Variants in ACSL4 observed in about 807,000 individuals in gnomAD.
ACSL4 encodes the protein acyl-CoA synthetase long chain family member 4, also known as long-chain-fatty-acid--CoA ligase 4.
Under a neutral mutation model 49.1 loss-of-function variants are expected in ACSL4, and 9 were observed. That is an observed-to-expected ratio of 0.18 (90% CI 0.11 to 0.32). ACSL4 has a LOEUF of 0.32. Ranked by LOEUF, ACSL4 falls within the 10% of genes least tolerant of loss-of-function variation. The pLI is 1.00. For synonymous variants in ACSL4, 191 were observed against 170.3 expected, an observed-to-expected ratio of 1.12 and a Z score of -0.95; for missense variants, 333 against 493.7, an observed-to-expected ratio of 0.67 and a Z score of 3.08.
Position 109,684,163 on chromosome X carries a change from GA to G in ACSL4, c.-12-789del, listed in dbSNP as rs748478932. ...GATTTATTTCTCAAAGGTCAACCCAGAAACCTTATTCTGAGTTCTTCATTAA... is the reference window on the plus strand; with the variant it reads ...GATTTATTTCTCAAAGGTCAACCCAGAACCTTATTCTGAGTTCTTCATTAA... On this transcript the variant is annotated intron_variant, in intron 2 of 15. Transcript: ENST00000672401. 5.5e-3 allele frequency among the ~76,000 whole-genome samples: 619 copies of G among 112,224 alleles called. 3 individuals are homozygous for G. Among genetic ancestry groups the G allele is most frequent in the African/African-American group, 0.018 (544 of 30,920 alleles).
At chrX:109,721,484 C>G (rs1927546152) in intron 1 of ACSL4, among the ~76,000 whole-genome samples, 1 of 112,167 alleles carries the variant, frequency 8.9e-6, no homozygotes, top group African/African-American at 3.2e-5. Context: ...ATAATCCCAG[C>G]ACTCTGGGAG....
intron 15 of ACSL4, among the ~76,000 whole-genome samples, chrX:109,646,118 C>T (rs1316283098): frequency 1.8e-5 from 2 of 109,611 alleles, no homozygotes; most frequent in African/African-American, 6.7e-5. Flanking sequence ...TCCAGGAGAA[C>T]TTCCCCAATC....
intron 6 of ACSL4, 79 bp from the exon 7 acceptor site, chrX:109,678,494 T>A: frequency 1.8e-6 from 2 of 1,108,101 alleles, no homozygotes; most frequent in Non-Finnish European, 2.5e-6. Context: ...ATATTTAGAT[T>A]TTGCATAACG....
chrX:109,695,131 G>A, intron 2 of ACSL4, among the ~76,000 whole-genome samples: 1 of 110,687 alleles, frequency 9.0e-6, no homozygotes. Flanking sequence ...AGAATCACGA[G>A]GTCAGGAGTT....
At chrX:109,688,134 C>T (rs185316626) in intron 2 of ACSL4, among the ~76,000 whole-genome samples, 1 of 112,130 alleles carries the variant, frequency 8.9e-6, no homozygotes, top group African/African-American at 3.2e-5. Flanking sequence ...ATTCCTCATC[C>T]AGACTTATTC....
intron 2 of ACSL4, among the ~76,000 whole-genome samples, chrX:109,692,383 G>A (rs1925104830): frequency 8.9e-6 from 1 of 111,940 alleles, no homozygotes; most frequent in East Asian, 2.8e-4. Context: ...CTAAAGCTGG[G>A]AATTGGTTGT....
At chrX:109,695,261 C>T (rs770867297) in intron 2 of ACSL4, among the ~76,000 whole-genome samples, 16 of 109,115 alleles carry the variant, frequency 1.5e-4, no homozygotes, top group Non-Finnish European at 2.1e-4. Context: ...AGGAGAATTG[C>T]TTAAACCCGG....
chrX:109,700,038 T>A (rs1265687150), intron 1 of ACSL4, among the ~76,000 whole-genome samples: 1 of 107,225 alleles, frequency 9.3e-6, no homozygotes, highest in African/African-American at 3.4e-5. Flanking sequence ...TGAAACCCTA[T>A]CGCTACTAAA....
intron 15 of ACSL4, among the ~76,000 whole-genome samples, chrX:109,652,636 T>C (rs1367105882): frequency 1.8e-5 from 2 of 111,621 alleles, no homozygotes; most frequent in Non-Finnish European, 1.9e-5. Flanking sequence ...ATACTATATT[T>C]GAAATGCTAT....
intron 11 of ACSL4, 42 bp from the exon 12 acceptor site, chrX:109,665,536 C>G: frequency 1.9e-6 from 2 of 1,064,677 alleles, no homozygotes; most frequent in Non-Finnish European, 2.6e-6. Flanking sequence ...ATACCACATT[C>G]CAGATTTGTA....
chrX:109,671,064 G>A (rs1005353761), intron 9 of ACSL4, among the ~76,000 whole-genome samples: 3 of 112,036 alleles, frequency 2.7e-5, no homozygotes, highest in African/African-American at 9.7e-5. Context: ...AGGAAGTGAG[G>A]AGCGTCTCTG....
rs776028147 is a variant in ACSL4 at position 109,683,213 on chromosome X, T to C, written c.151A>G (p.Lys51Glu). Residue 51 changes from lysine (K) to glutamate (E), a missense_variant, in exon 3 of 16, where the codon AAG becomes GAG. Transcript: ENST00000672401. ...LFDHAVSKFG[K>E]KDSLGTREIL... ...TCCCTGGTCCCAAGGCTGTCCTTCT[T>C]CCCAAACTTGGATACAGCATGGTCA... The C allele has an allele frequency of 6.6e-6, 8 of 1,211,934 alleles. No individual in the cohort carries two copies. Among genetic ancestry groups the C allele is most frequent in the Non-Finnish European group, 8.9e-6 (8 of 895,481 alleles).
chrX:109,657,367 G>A (rs1223894739), intron 15 of ACSL4, among the ~76,000 whole-genome samples: 13 of 69,568 alleles, frequency 1.9e-4, no homozygotes, highest in South Asian at 8.5e-4. Context: ...TCCCTCCCCC[G>A]TCCCCCCACC....
intron 15 of ACSL4, among the ~76,000 whole-genome samples, chrX:109,658,613 G>A (rs1324241712): frequency 8.9e-6 from 1 of 112,022 alleles, no homozygotes; most frequent in Non-Finnish European, 1.9e-5. Context: ...GTAGTTCCCT[G>A]CACACATCAT....
chrX:109,647,338 G>A (rs1934764135), intron 15 of ACSL4, among the ~76,000 whole-genome samples: 1 of 111,968 alleles, frequency 8.9e-6, no homozygotes, highest in Non-Finnish European at 1.9e-5. Context: ...AGACCACAGT[G>A]CAATCAAACT....
chrX:109,716,744 T>TA (rs1443076089), intron 1 of ACSL4, among the ~76,000 whole-genome samples: 1 of 111,924 alleles, frequency 8.9e-6, no homozygotes, highest in African/African-American at 3.2e-5. Flanking sequence ...GCCAGAGCAC[T>TA]AAAAAAGCCC....
At chrX:109,689,833 A>C (rs1924910029) in intron 2 of ACSL4, among the ~76,000 whole-genome samples, 1 of 112,008 alleles carries the variant, frequency 8.9e-6, no homozygotes, top group African/African-American at 3.2e-5. Context: ...GTAGAATATA[A>C]GCTTCACAAG....
chrX:109,694,849 T>G (rs138154277), intron 2 of ACSL4, among the ~76,000 whole-genome samples: 77 of 111,717 alleles, frequency 6.9e-4, no homozygotes, highest in African/African-American at 2.5e-3. Flanking sequence ...TGATTTTAAT[T>G]TTAGGTGCTC....
chrX:109,687,685 C>G (rs1025162734), intron 2 of ACSL4, among the ~76,000 whole-genome samples: 1 of 111,733 alleles, frequency 8.9e-6, no homozygotes, highest in African/African-American at 3.3e-5. Flanking sequence ...TGTAACAAAC[C>G]TGCACGTTCT....
Sources: gnomAD v4.1 joint callset for allele counts (sites outside exome capture counted in the v4.1 genomes callset) on GRCh38, gnomAD v4.1.1 for gene constraint, MANE v1.5 for transcripts, NCBI Gene and HGNC (gene_info 2026-07-23, HGNC 2026-07-21) for gene names.